Variants in LYST observed in about 807,000 individuals in gnomAD.
LYST encodes lysosomal-trafficking regulator.
Under a neutral mutation model 413.6 loss-of-function variants are expected in LYST, and 192 were observed. The ratio of observed to expected loss-of-function variants is 0.46; its 90% CI spans 0.41 to 0.52. The LOEUF (loss-of-function observed/expected upper bound fraction) is 0.52, where lower values mean the gene tolerates loss of function less well. LYST is among the 20% of genes least tolerant of loss of function. The pLI, the probability that LYST is intolerant of heterozygous loss-of-function variation, is 0.00. For synonymous variants in LYST, 1,525 were observed against 1,567.3 expected (o/e 0.97, Z 0.64); for missense variants, 3,815 against 4,499.9 (o/e 0.85, Z 4.35).
chr1:235,857,942 A>C (rs1342934039), intron 1 of LYST, among the ~76,000 whole-genome samples: 1 of 152,148 alleles, frequency 6.6e-6, no homozygotes, highest in Non-Finnish European at 1.5e-5. Context: ...GATTTTATCC[A>C]CTTTTAAGAT....
chr1:235,768,963 CAAA>C (rs1668399105), intron 20 of LYST, among the ~76,000 whole-genome samples: 2 of 151,988 alleles, frequency 1.3e-5, no homozygotes, highest in African/African-American at 2.4e-5. Context: ...ATTCATTTAA[CAAA>C]TATTTATCAG....
rs1316261766 is a variant in LYST, at chr1:235,806,155, A to G, written c.2981T>C (p.Ile994Thr). ...LGGFRVCHKL[I>T]FMIIQKLFRS... ...GAACAGTTTCTGTATTATCATAAAT[A>G]TTAACTTATGGCATACTCGGAAACC... is the stretch of plus-strand genomic sequence containing the variant. The change falls in exon 6 of 53, where the codon ATA (isoleucine) becomes ACA (threonine). Residue 994 changes from isoleucine (I) to threonine (T), a missense_variant. Ile to Thr is a moderately conservative substitution (Grantham distance 89). Coordinates refer to ENST00000389793, the MANE Select transcript of LYST (RefSeq NM_000081.4). 5 of 1,613,708 alleles carry G rather than the reference A, an allele frequency of 3.1e-6. No individual in the cohort carries two copies. Among genetic ancestry groups the G allele is most frequent in the African/African-American group, 2.7e-5 (2 of 74,858 alleles).
chr1:235,662,676 C>T lies in LYST; in HGVS notation c.*264G>A. 2.1e-6 allele frequency: 1 copy of T among 469,274 alleles called. No homozygotes were observed. The highest frequency in any genetic ancestry group is 3.9e-6 in the Non-Finnish European group (1 of 257,000). 29.1% of individuals were successfully genotyped at this position (469,274 alleles called of 1,614,324 possible). A position where few individuals can be genotyped will look rare whatever the true frequency, so the allele number is the denominator to read the frequency against. Reference sequence around the variant, plus strand: ...TGGTGGGAAAAAATTTTAAGAATATCATTTTAATGTACCATGCGAGGCTTA... The same window carrying T: ...TGGTGGGAAAAAATTTTAAGAATATTATTTTAATGTACCATGCGAGGCTTA... On this transcript the variant is annotated 3_prime_UTR_variant, in exon 53 of 53. Transcript: ENST00000389793.
intron 41 of LYST, 126 bp downstream of exon 41, chr1:235,716,586 G>T: frequency 1.6e-6 from 1 of 635,400 alleles, no homozygotes; most frequent in South Asian, 2.0e-5. Flanking sequence ...ATTTCTAGTT[G>T]TCTGTCAATC....
Position 235,662,998 on chromosome 1 carries a change from T to A in LYST, c.11348A>T (p.Gln3783Leu). 1 of 1,614,058 alleles carries A rather than the reference T, an allele frequency of 6.2e-7. No homozygotes were observed. ...GTVIAWCRKD[Q>L]QRLKQPMFYS... is the part of the protein sequence containing the mutation. ...GAACATTGGCTGTTTCAAGCGCTGC[T>A]GGTCCTTCCGACACCAGGCAATCAC... is the stretch of plus-strand genomic sequence containing the variant. The change falls in exon 53 of 53, where the codon CAG (glutamine) becomes CTG (leucine). Residue 3783 changes from glutamine (Q) to leucine (L), a missense_variant. Gln to Leu is a moderately radical substitution (Grantham distance 113). This residue lies in a region of LYST where 866 missense variants were observed against 1,156.0 expected (regional missense o/e 0.75). Coordinates refer to ENST00000389793, the MANE Select transcript of LYST (RefSeq NM_000081.4).
chr1:235,831,416 T>C (rs1012425686), intron 2 of LYST, among the ~76,000 whole-genome samples: 3 of 152,186 alleles, frequency 2.0e-5, no homozygotes, highest in African/African-American at 7.2e-5. Flanking sequence ...TCTCGGGAAT[T>C]TAAACTAAAG....
intron 1 of LYST, among the ~76,000 whole-genome samples, chr1:235,837,865 T>A (rs1676738327): frequency 6.6e-6 from 1 of 151,044 alleles, no homozygotes; most frequent in Non-Finnish European, 1.5e-5. Flanking sequence ...ATAAGTGAGG[T>A]TAAAAAAAAA....
At chr1:235,879,685 T>C (rs1446957595) in intron 1 of LYST, among the ~76,000 whole-genome samples, 3 of 152,202 alleles carry the variant, frequency 2.0e-5, no homozygotes, top group Non-Finnish European at 4.4e-5. Context: ...AACAGAGAAA[T>C]ATGGAACTAT....
chr1:235,702,452 T>C (rs1267827827), intron 45 of LYST, among the ~76,000 whole-genome samples: 2 of 152,192 alleles, frequency 1.3e-5, no homozygotes, highest in Non-Finnish European at 2.9e-5. Flanking sequence ...AATCCTATTA[T>C]GTCACTGCCC....
intron 18 of LYST, 80 bp downstream of exon 18, chr1:235,774,833 A>G: frequency 2.1e-6 from 2 of 947,078 alleles, no homozygotes; most frequent in Non-Finnish European, 3.3e-6. Context: ...TGAAATACAA[A>G]ACTATTATTG....
rs772305412 is a variant in LYST at position 235,809,564 on chromosome 1, A to C, written c.1254T>G (p.Ser418Arg). The change falls in exon 5 of 53, where the codon AGT becomes AGG. Residue 418 changes from serine (S) to arginine (R), a missense_variant. Coordinates refer to ENST00000389793, the MANE Select transcript of LYST (RefSeq NM_000081.4). The surrounding 1 kb of genome is among the most constrained non-coding windows in gnomAD (Gnocchi z 4.0). ...TGAAGTAGAAGGGATTTGAAGCTGC[A>C]CTTTGAAGACAACAGATCAGAATCT... ...VLQILICCLQ[S>R]AASNPFYFSQ... 3 of 1,614,052 alleles carry C rather than the reference A, an allele frequency of 1.9e-6. No individual in the cohort carries two copies. Among genetic ancestry groups the C allele is most frequent in the South Asian group, 1.1e-5 (1 of 91,082 alleles).
rs1667373827 is a variant in LYST, at chr1:235,759,514, TGAA to T, written c.6336_6338del (p.Ser2113del). 6.2e-7 allele frequency: 1 copy of T among 1,613,938 alleles called. No individual in the cohort carries two copies. Among genetic ancestry groups the T allele is most frequent in the Non-Finnish European group, 8.5e-7 (1 of 1,179,868 alleles). On this transcript the variant is annotated inframe_deletion, in exon 23 of 53. Transcript: ENST00000389793. The stretch of plus-strand genomic sequence containing the variant: ...TCAGTTTTTGTGATTGCGTTAGTAG[TGAA>T]GAAGTAGGGAATGCTGGTAGGCTTC...
intron 1 of LYST, among the ~76,000 whole-genome samples, chr1:235,860,829 G>A (rs926048114): frequency 6.6e-6 from 1 of 151,964 alleles, no homozygotes; most frequent in African/African-American, 2.4e-5. Context: ...GTATGCCACT[G>A]TTCTCCCTCT....
chr1:235,780,985 T>C lies in LYST; in HGVS notation c.5094A>G (p.Pro1698=). The C allele has an allele frequency of 1.2e-6, 2 of 1,611,034 alleles. No individual in the cohort carries two copies. The highest frequency in any genetic ancestry group is 1.1e-5 in the South Asian group (1 of 90,762). The part of the protein sequence containing the change: ...ACGPNHTSVM[P]CKYGKPVNDY... ...CATTGACTGGCTTGCCATACTTACATGGCATTACAGATGTATGGTTGGGTC... is the reference window on the plus strand; with the variant it reads ...CATTGACTGGCTTGCCATACTTACACGGCATTACAGATGTATGGTTGGGTC... The change falls in exon 16 of 53, where the codon CCA becomes CCG. Residue 1698 remains proline, a synonymous_variant. Coordinates refer to ENST00000389793, the MANE Select transcript of LYST (RefSeq NM_000081.4).
Position 235,664,136 on chromosome 1 carries a change from A to C in LYST, c.11196-81T>G. ...GCCCTCTATATTTGTTTATTTGTTA[A>C]AAATCATGTGGAAGGAAATGTAACA... On this transcript the variant is annotated intron_variant, in intron 51 of 52. Transcript: ENST00000389793. This position sits in a 1 kb window ranked among gnomAD's most constrained non-coding sequence, Gnocchi z 4.5. The C allele has an allele frequency of 8.9e-7, 1 of 1,123,748 alleles. No homozygotes were observed. Among genetic ancestry groups the C allele is most frequent in the Admixed American group, 1.7e-5 (1 of 58,934 alleles). The allele number at this position is 1,123,748 out of a possible 1,614,324, so 69.6% of individuals were successfully genotyped here. A position where few individuals can be genotyped will look rare whatever the true frequency, so the allele number is the denominator to read the frequency against.
In LYST at chr1:235,809,445, C is replaced by G. The variant is rs754510251; in HGVS notation, c.1373G>C (p.Arg458Thr). 1.2e-6 allele frequency: 2 copies of G among 1,613,984 alleles called. No individual in the cohort carries two copies. The highest frequency in any genetic ancestry group is 1.1e-5 in the South Asian group (1 of 91,074). Residue 458 changes from arginine to threonine, a missense_variant, in exon 5 of 53, where the codon AGA (arginine) becomes ACA (threonine). This residue lies in a region of LYST where 1,648 missense variants were observed against 1,810.3 expected (regional missense o/e 0.91). Transcript: ENST00000389793. This position sits in a 1 kb window ranked among gnomAD's most constrained non-coding sequence, Gnocchi z 4.0. ...AVLQMEWLVL[R>T]DGVPPEASEH... ...TGAGGCCTCGGGAGGAACTCCATCTCTTAAAACCAGCCATTCCATTTGAAG... is the reference window on the plus strand; with the variant it reads ...TGAGGCCTCGGGAGGAACTCCATCTGTTAAAACCAGCCATTCCATTTGAAG...
In LYST at chr1:235,809,702, G is replaced by T; in HGVS notation, c.1116C>A (p.Asp372Glu). The change falls in exon 5 of 53, where the codon GAC becomes GAA. Residue 372 changes from aspartate to glutamate, a missense_variant. Physicochemically the swap from Asp to Glu is conservative, Grantham distance 45 (BLOSUM62 2). Around this residue, in one of 4 missense-constraint regions of LYST, gnomAD observed 1,648 missense variants for 1,810.3 expected, o/e 0.91. Coordinates refer to ENST00000389793, the MANE Select transcript of LYST (RefSeq NM_000081.4). The surrounding 1 kb of genome is among the most constrained non-coding windows in gnomAD (Gnocchi z 4.0). ...KIRICLEKQP[D>E]PFAPRQKKTL... is the part of the protein sequence containing the mutation. ...TTTTCTTTTGTCTTGGTGCAAAAGG[G>T]TCAGGCTGCTTTTCTAGGCATATTC... 1 of 1,613,658 alleles carries T rather than the reference G, an allele frequency of 6.2e-7. No individual in the cohort carries two copies. The highest frequency in any genetic ancestry group is 8.5e-7 in the Non-Finnish European group (1 of 1,179,790).
chr1:235,814,967 T>C (rs895510031), intron 3 of LYST, among the ~76,000 whole-genome samples: 3 of 152,150 alleles, frequency 2.0e-5, no homozygotes, highest in African/African-American at 7.2e-5. Context: ...CTTCCTCACA[T>C]ACACTGTTTC....
Position 235,661,050 on chromosome 1 carries a change from G to A in LYST, c.*1890C>T, listed in dbSNP as rs1291623175. ...AAGAGGTGTTTACATCTATTTTTAT[G>A]AAATTTATTTCCAAATTGAAGAGGC... On this transcript the variant is annotated 3_prime_UTR_variant, in exon 53 of 53. Coordinates refer to ENST00000389793, the MANE Select transcript of LYST (RefSeq NM_000081.4). 1 of 152,534 alleles carries A rather than the reference G, an allele frequency of 6.6e-6. No individual in the cohort carries two copies. 9.4% of individuals were successfully genotyped at this position (152,534 alleles called of 1,614,324 possible).
Sources: gnomAD v4.1 joint callset for allele counts (sites outside exome capture counted in the v4.1 genomes callset) on GRCh38, gnomAD v4.1.1 for gene constraint, gnomAD v4.1.1 regional missense constraint, Gnocchi (gnomAD v3.1) non-coding constraint, MANE v1.5 for transcripts, NCBI Gene and HGNC (gene_info 2026-07-23, HGNC 2026-07-21) for gene names.